UBAP2: variants seen among roughly 807,000 people sequenced by gnomAD.
The protein encoded by UBAP2 is ubiquitin associated protein 2, also known as ubiquitin-associated protein 2.
A neutral mutation model predicts 139.6 loss-of-function variants in UBAP2; 75 were observed. The observed-to-expected ratio is 0.54, with a 90% CI of 0.45 to 0.65. The LOEUF (loss-of-function observed/expected upper bound fraction) is 0.65. Ranked by LOEUF, UBAP2 falls within the 30% of genes least tolerant of loss-of-function variation. The pLI, the probability that UBAP2 is intolerant of heterozygous loss-of-function variation, is 0.00. For synonymous variants in UBAP2, 526 were observed against 526.2 expected, an observed-to-expected ratio of 1.00 and a Z score of 0.01; for missense variants, 1,368 against 1,369.6, an observed-to-expected ratio of 1.00 and a Z score of 0.02.
chr9:34,033,579 CT>C (rs532610947), intron 1 of UBAP2, among the ~76,000 whole-genome samples: 30 of 146,804 alleles, frequency 2.0e-4, no homozygotes, highest in African/African-American at 2.5e-4. Context: ...TAATTGTATA[CT>C]TTTTTTTTTT....
intron 1 of UBAP2, among the ~76,000 whole-genome samples, chr9:34,042,982 G>A (rs1403961245): frequency 6.6e-6 from 1 of 151,812 alleles, no homozygotes; most frequent in African/African-American, 2.4e-5. Flanking sequence ...GTGGGAGGAT[G>A]CCTTAATCCT....
intron 1 of UBAP2, among the ~76,000 whole-genome samples, chr9:34,023,837 G>A (rs1825168007): frequency 1.3e-5 from 2 of 152,126 alleles, no homozygotes; most frequent in Admixed American, 1.3e-4. Context: ...GAGGTCAGGA[G>A]ATCGAGGCCA....
At chr9:33,953,516 T>C in intron 11 of UBAP2, 42 bp from the exon 12 acceptor site, 1 of 1,562,310 alleles carries the variant, frequency 6.4e-7, no homozygotes, top group Non-Finnish European at 8.7e-7. Flanking sequence ...CATAAGCAAA[T>C]CTTACCAACA....
chr9:33,984,487 A>G (rs1159131509), intron 6 of UBAP2, among the ~76,000 whole-genome samples: 1 of 151,150 alleles, frequency 6.6e-6, no homozygotes, highest in Non-Finnish European at 1.5e-5. Context: ...ACATTGCAAG[A>G]CCCCATCTCT....
intron 6 of UBAP2, among the ~76,000 whole-genome samples, chr9:33,983,778 CT>C (rs1164558981): frequency 6.6e-6 from 1 of 152,188 alleles, no homozygotes; most frequent in Non-Finnish European, 1.5e-5. Flanking sequence ...TTGAAACTTA[CT>C]TTACAGAAAC....
chr9:33,975,096 C>T (rs547836571), intron 6 of UBAP2, among the ~76,000 whole-genome samples: 4 of 152,172 alleles, frequency 2.6e-5, no homozygotes, highest in South Asian at 4.1e-4. Flanking sequence ...CATATTCATT[C>T]GGATGACTAC....
In UBAP2 at chr9:34,028,032, C is replaced by T. The variant is rs1305083691; in HGVS notation, c.-41-10843G>A. ...AGCTCAACTGCTTGTACCCTGCATG[C>T]CAGGAGCTGAACAAGCTGATACTTT... is the stretch of plus-strand genomic sequence containing the variant. On this transcript the variant is annotated intron_variant, in intron 1 of 28. Coordinates refer to ENST00000379238, the MANE Select transcript of UBAP2 (RefSeq NM_001370062.2). Among the ~76,000 whole-genome samples the T allele has an allele frequency of 2.6e-5, 4 of 151,558 alleles. No homozygotes were observed. The South Asian group carries it at 8.4e-4, about 32-fold the overall frequency.
intron 2 of UBAP2, among the ~76,000 whole-genome samples, chr9:34,008,419 A>G (rs1564060066): frequency 6.6e-6 from 1 of 152,000 alleles, no homozygotes. Context: ...GGTGTGTGGA[A>G]GCAATAAGAC....
intron 6 of UBAP2, among the ~76,000 whole-genome samples, chr9:33,981,102 GGA>G (rs1820650918): frequency 3.0e-3 from 1 of 332 alleles, no homozygotes; most frequent in Non-Finnish European, 0.014. Context: ...TATATATTCT[GGA>G]TATATATATA....
chr9:33,967,017 G>C (rs551710598), intron 8 of UBAP2, among the ~76,000 whole-genome samples: 1 of 151,476 alleles, frequency 6.6e-6, no homozygotes, highest in African/African-American at 2.4e-5. Flanking sequence ...TATTAAAGTG[G>C]TATATCCCTC....
At chr9:33,929,197 G>A (rs1164736508) in intron 19 of UBAP2, among the ~76,000 whole-genome samples, 2 of 152,264 alleles carry the variant, frequency 1.3e-5, no homozygotes, top group African/African-American at 4.8e-5. Context: ...GTGCTCGCAA[G>A]TGTACTTGGA....
At chr9:33,923,655 C>A in intron 24 of UBAP2, 140 bp downstream of exon 24, 1 of 1,087,804 alleles carries the variant, frequency 9.2e-7, no homozygotes, top group East Asian at 2.4e-5. Context: ...GACCTTGTCC[C>A]CAGCCTGAAC....
At chr9:34,028,447 C>A (rs71521205) in intron 1 of UBAP2, among the ~76,000 whole-genome samples, 1 of 151,686 alleles carries the variant, frequency 6.6e-6, no homozygotes, top group Non-Finnish European at 1.5e-5. Flanking sequence ...TGGCGCAACA[C>A]TGGCTCACTG....
chr9:34,019,718 C>CAT (rs1158541429), intron 1 of UBAP2, among the ~76,000 whole-genome samples: 1 of 150,462 alleles, frequency 6.6e-6, no homozygotes, highest in Non-Finnish European at 1.5e-5. Context: ...CACACACACA[C>CAT]ACACACGCAC....
chr9:34,046,642 T>C (rs1224135524), intron 1 of UBAP2, among the ~76,000 whole-genome samples: 12 of 36,380 alleles, frequency 3.3e-4, no homozygotes, highest in African/African-American at 2.6e-4. Context: ...AGACTCCATC[T>C]CAAAAAAAAA....
chr9:34,031,504 G>A (rs1001231246), intron 1 of UBAP2, among the ~76,000 whole-genome samples: 6 of 151,852 alleles, frequency 4.0e-5, no homozygotes, highest in Non-Finnish European at 7.4e-5. Context: ...GACAGGTTTC[G>A]ACATGTTGGC....
At chr9:34,017,745 T>C (rs1824501607) in intron 1 of UBAP2, among the ~76,000 whole-genome samples, 1 of 152,004 alleles carries the variant, frequency 6.6e-6, no homozygotes, top group Non-Finnish European at 1.5e-5. Flanking sequence ...GCTAACACAA[T>C]GAAACCCCGT....
intron 2 of UBAP2, among the ~76,000 whole-genome samples, chr9:34,012,568 A>G (rs565872342): frequency 2.0e-5 from 3 of 151,342 alleles, no homozygotes; most frequent in Admixed American, 6.6e-5. Flanking sequence ...TTGAAAAAAT[A>G]TAAGTATGGT....
At chr9:33,953,054 T>C (rs1208776704) in intron 12 of UBAP2, among the ~76,000 whole-genome samples, 1 of 152,066 alleles carries the variant, frequency 6.6e-6, no homozygotes, top group Non-Finnish European at 1.5e-5. Context: ...TAGTTTGCTT[T>C]TTTCGTAGAG....
Sources: allele counts gnomAD v4.1 joint callset (sites outside exome capture counted in the v4.1 genomes callset), GRCh38; gene constraint gnomAD v4.1.1; transcripts MANE v1.5; gene names NCBI Gene and HGNC (gene_info 2026-07-23, HGNC 2026-07-21).